The following PCDHA8 variants were observed in gnomAD, a reference collection of about 807,000 sequenced individuals.
The protein encoded by PCDHA8 is protocadherin alpha 8, also known as protocadherin alpha-8.
Under a neutral mutation model 61.8 loss-of-function variants are expected in PCDHA8, and 53 were observed. That is an observed-to-expected ratio of 0.86 (90% CI 0.69 to 1.08). The LOEUF (loss-of-function observed/expected upper bound fraction) is 1.08. Among genes scored for constraint, PCDHA8 ranks in the 50% least tolerant of loss-of-function variants. The pLI is 0.00. For synonymous variants in PCDHA8, 618 were observed against 556.6 expected (o/e 1.11, Z -1.55); for missense variants, 1,293 against 1,245.0 (o/e 1.04, Z -0.58).
chr5:140,967,226 C>T, intron 1 of PCDHA8: 1 of 1,613,746 alleles, frequency 6.2e-7, no homozygotes, highest in Non-Finnish European at 8.5e-7. Flanking sequence ...GCCCAACTAC[C>T]AGCTTCAGGT....
At position 141,010,386 on chromosome 5, in the gene PCDHA8, T is replaced by C; in HGVS notation, c.*449T>C. On this transcript the variant is annotated 3_prime_UTR_variant, in exon 4 of 4. Coordinates refer to ENST00000531613, the MANE Select transcript of PCDHA8 (RefSeq NM_018911.3). ...GGGTATGCGAGTGCCAGATATTGGCTGAGACGAGCCAGCTTAGACTAATTG... is the reference window on the plus strand; with the variant it reads ...GGGTATGCGAGTGCCAGATATTGGCCGAGACGAGCCAGCTTAGACTAATTG... The C allele has an allele frequency of 7.1e-7, 1 of 1,413,970 alleles. No homozygotes were observed. The highest frequency in any genetic ancestry group is 9.4e-7 in the Non-Finnish European group (1 of 1,063,616). 87.6% of individuals were successfully genotyped at this position (1,413,970 alleles called of 1,614,324 possible). A position where few individuals can be genotyped will look rare whatever the true frequency, so the allele number is the denominator to read the frequency against.
chr5:140,886,847 AG>A lies in PCDHA8; in HGVS notation c.2394+43133del, dbSNP rs1299329603. ...GTCTTGAAAAAAAAAAAAAAAAAAA[AG>A]AAAGGTCTTCCCAACTCCTATATTG... On this transcript the variant is annotated intron_variant, in intron 1 of 3. Transcript: ENST00000531613. Among the ~76,000 whole-genome samples the A allele has an allele frequency of 2.2e-3, 339 of 151,134 alleles. 4 individuals are homozygous for A. Among genetic ancestry groups the A allele is most frequent in the African/African-American group, 7.8e-3 (323 of 41,170 alleles).
intron 3 of PCDHA8, among the ~76,000 whole-genome samples, chr5:140,999,367 C>T (rs1229497053): frequency 4.6e-5 from 7 of 152,100 alleles, no homozygotes; most frequent in African/African-American, 1.7e-4. Flanking sequence ...TTCACAATCC[C>T]ATTAGATGGT....
intron 1 of PCDHA8, chr5:140,853,127 C>T (rs1172864205): frequency 3.4e-6 from 2 of 580,724 alleles, no homozygotes; most frequent in Non-Finnish European, 4.4e-6. Flanking sequence ...GATCCTCCCG[C>T]CTCAGCCTCC....
At chr5:140,952,768 AT>A (rs1554220610) in intron 1 of PCDHA8, among the ~76,000 whole-genome samples, 1 of 152,180 alleles carries the variant, frequency 6.6e-6, no homozygotes, top group African/African-American at 2.4e-5. Context: ...AGACTGGATA[AT>A]TTAGAAAGAA....
rs2150337946 is a variant in PCDHA8, at chr5:140,842,520, C to T, written c.1199C>T (p.Thr400Ile). The change falls in exon 1 of 4, where the codon ACC (threonine) becomes ATC (isoleucine). Residue 400 changes from threonine (T) to isoleucine (I), a missense_variant. Thr to Ile is a moderately conservative substitution (Grantham distance 89). Transcript: ENST00000531613. ...MPHVPFKLVS[T>I]FKNYYSLVLD... ...CATGTCCCCTTCAAGCTGGTGTCCA[C>T]CTTCAAGAATTACTACTCGTTGGTG... is the stretch of plus-strand genomic sequence containing the variant. The T allele has an allele frequency of 6.2e-7, 1 of 1,613,528 alleles. No individual in the cohort carries two copies. The highest frequency in any genetic ancestry group is 2.2e-5 in the East Asian group (1 of 44,874).
intron 1 of PCDHA8, chr5:140,853,549 T>C: frequency 1.0e-6 from 1 of 979,350 alleles, no homozygotes; most frequent in South Asian, 4.8e-5. Flanking sequence ...TTGTAATTAC[T>C]ATATAGGAAA....
chr5:140,875,234 T>C, intron 1 of PCDHA8: 1 of 867,742 alleles, frequency 1.2e-6, no homozygotes. Context: ...ATCTTTCTTG[T>C]ACTTACATAA....
At chr5:140,897,356 CCA>C (rs2066046729) in intron 1 of PCDHA8, among the ~76,000 whole-genome samples, 1 of 134,770 alleles carries the variant, frequency 7.4e-6, no homozygotes, top group South Asian at 2.4e-4. Context: ...ACAACTGTCC[CCA>C]GAGTGTGATG....
chr5:140,856,488 T>C lies in PCDHA8; in HGVS notation c.2394+12773T>C. Reference sequence around the variant, plus strand: ...CTCTCAATACCTGAATCCAGACTGCTTGACTCTCGATTTCCACTAGAAGGC... The same window carrying C: ...CTCTCAATACCTGAATCCAGACTGCCTGACTCTCGATTTCCACTAGAAGGC... On this transcript the variant is annotated intron_variant, in intron 1 of 3. Coordinates refer to ENST00000531613, the MANE Select transcript of PCDHA8 (RefSeq NM_018911.3). 3.1e-6 allele frequency: 5 copies of C among 1,598,406 alleles called. 2 individuals carry two copies. Among genetic ancestry groups the C allele is most frequent in the Non-Finnish European group, 3.4e-6 (4 of 1,167,896 alleles).
At position 140,842,575 on chromosome 5, in the gene PCDHA8, G is replaced by T. The variant is rs782407336; in HGVS notation, c.1254G>T (p.Val418=). Residue 418 remains valine (V), a synonymous_variant, in exon 1 of 4, where the codon GTG becomes GTT. Transcript: ENST00000531613. The stretch of plus-strand genomic sequence containing the variant: ...ACAGCGCCCTGGACCGCGAGAGAGT[G>T]TCGGCCTATGAGTTGGTGGTAACCG... ...VLDSALDRER[V]SAYELVVTAR... 2 of 1,509,128 alleles carry T rather than the reference G, an allele frequency of 1.3e-6. No homozygotes were observed. Among genetic ancestry groups the T allele is most frequent in the East Asian group, 4.6e-5 (2 of 43,892 alleles). 93.5% of individuals were successfully genotyped at this position (1,509,128 alleles called of 1,614,324 possible).
At chr5:140,928,495 A>G in intron 1 of PCDHA8, 2 of 1,614,206 alleles carry the variant, frequency 1.2e-6, no homozygotes, top group South Asian at 1.1e-5. Flanking sequence ...CATTCCTCCC[A>G]GAAGTGCAAC....
intron 1 of PCDHA8, among the ~76,000 whole-genome samples, chr5:140,880,368 T>G (rs1372331901): frequency 6.6e-6 from 1 of 152,170 alleles, no homozygotes; most frequent in African/African-American, 2.4e-5. Context: ...ATGAAAACCA[T>G]GAGAGAATAG....
At chr5:140,882,009 A>C in intron 1 of PCDHA8, 1 of 522,488 alleles carries the variant, frequency 1.9e-6, no homozygotes, top group East Asian at 3.2e-5. Context: ...AGGGGCAAAA[A>C]AATACTACAT....
chr5:140,933,429 G>A (rs2089147163), intron 1 of PCDHA8, among the ~76,000 whole-genome samples: 1 of 151,830 alleles, frequency 6.6e-6, no homozygotes, highest in South Asian at 2.1e-4. Flanking sequence ...GTTCATAGGG[G>A]CACTCTAATG....
chr5:140,875,949 T>G (rs1306170767), intron 1 of PCDHA8: 3 of 1,614,214 alleles, frequency 1.9e-6, no homozygotes, highest in East Asian at 4.5e-5. Flanking sequence ...GCGCTTCTGA[T>G]GCGGATATCG....
In PCDHA8 at chr5:140,842,408, G is replaced by A. The variant is rs1266480987; in HGVS notation, c.1087G>A (p.Ala363Thr). The change falls in exon 1 of 4, where the codon GCT becomes ACT. Residue 363 changes from alanine to threonine, a missense_variant. By Grantham distance (58) the Ala-to-Thr change is moderately conservative. Transcript: ENST00000531613. ...CTTATCCTTGCCTGTACGTGAAGAC[G>A]CTCAATTTGGTACTGTCATCGCCCT... ...TSLSLPVRED[A>T]QFGTVIALIS... 2 of 1,612,204 alleles carry A rather than the reference G, an allele frequency of 1.2e-6. No individual in the cohort carries two copies. Among genetic ancestry groups the A allele is most frequent in the Non-Finnish European group, 1.7e-6 (2 of 1,178,476 alleles).
intron 2 of PCDHA8, 72 bp downstream of exon 2, chr5:140,979,079 T>C (rs1019875909): frequency 9.5e-6 from 15 of 1,584,162 alleles, no homozygotes; most frequent in African/African-American, 6.8e-5. Flanking sequence ...TGCATCTCCA[T>C]AGGCCAGAAG....
intron 1 of PCDHA8, among the ~76,000 whole-genome samples, chr5:140,907,664 T>G (rs2073522534): frequency 6.6e-6 from 1 of 152,216 alleles, no homozygotes; most frequent in Non-Finnish European, 1.5e-5. Context: ...CAGCAGTGGC[T>G]GTAGCCAGGT....
Sources: allele counts gnomAD v4.1 joint callset (sites outside exome capture counted in the v4.1 genomes callset), GRCh38; gene constraint gnomAD v4.1.1; transcripts MANE v1.5; gene names NCBI Gene and HGNC (gene_info 2026-07-23, HGNC 2026-07-21).